Variants in CACNB2 observed in about 807,000 individuals in gnomAD.
CACNB2 encodes the protein calcium voltage-gated channel auxiliary subunit beta 2.
In CACNB2, 42 loss-of-function variants were observed where a neutral mutation model predicts 73.3. That is an observed-to-expected ratio of 0.57 (90% CI 0.45 to 0.74). The LOEUF is 0.74. Ranked by LOEUF, CACNB2 falls within the 30% of genes least tolerant of loss-of-function variation. CACNB2 has a pLI of 0.00. For synonymous variants in CACNB2, 348 were observed against 310.3 expected (o/e 1.12, Z -1.28); for missense variants, 940 against 853.0 (o/e 1.10, Z -1.27).
intron 2 of CACNB2, among the ~76,000 whole-genome samples, chr10:18,389,817 T>G (rs1275733528): frequency 6.6e-6 from 1 of 152,182 alleles, no homozygotes; most frequent in African/African-American, 2.4e-5. Context: ...CAAAGAGCAT[T>G]GGTTTAATGA....
intron 2 of CACNB2, among the ~76,000 whole-genome samples, chr10:18,330,999 T>A (rs2132014206): frequency 6.8e-6 from 1 of 146,666 alleles, no homozygotes; most frequent in Middle Eastern, 3.8e-3. Flanking sequence ...CGGCCTTTTT[T>A]TTTTGGAAAC....
At chr10:18,283,790 C>T (rs1004448098) in intron 2 of CACNB2, among the ~76,000 whole-genome samples, 39 of 152,018 alleles carry the variant, frequency 2.6e-4, no homozygotes, top group African/African-American at 9.2e-4. Flanking sequence ...GCACATTGTG[C>T]ACATGTACCC....
At chr10:18,463,564 G>A (rs978875583) in intron 3 of CACNB2, among the ~76,000 whole-genome samples, 2 of 151,110 alleles carry the variant, frequency 1.3e-5, no homozygotes, top group Admixed American at 6.7e-5. Context: ...GCAGGTGCAC[G>A]CCACAATGCC....
intron 1 of CACNB2, among the ~76,000 whole-genome samples, chr10:18,149,440 T>C (rs1259765962): frequency 6.6e-6 from 1 of 152,196 alleles, no homozygotes; most frequent in East Asian, 1.9e-4. Context: ...GTTAATTAAA[T>C]GTCATGGAAA....
At chr10:18,461,076 T>C (rs2047549002) in intron 3 of CACNB2, among the ~76,000 whole-genome samples, 1 of 152,042 alleles carries the variant, frequency 6.6e-6, no homozygotes, top group South Asian at 2.1e-4. Context: ...ATTACAGTCA[T>C]GCGCCACCAC....
intron 2 of CACNB2, among the ~76,000 whole-genome samples, chr10:18,242,809 C>T (rs2036707181): frequency 6.9e-6 from 1 of 145,270 alleles, no homozygotes; most frequent in African/African-American, 2.6e-5. Flanking sequence ...ACAGTGAAAC[C>T]CCGTCTCTAC....
chr10:18,475,739 G>T (rs1287621776), intron 3 of CACNB2, among the ~76,000 whole-genome samples: 1 of 152,156 alleles, frequency 6.6e-6, no homozygotes, highest in Non-Finnish European at 1.5e-5. Context: ...TTTTGAGTGT[G>T]TCCCCTGTGC....
chr10:18,162,103 A>G (rs939057273), intron 2 of CACNB2, among the ~76,000 whole-genome samples: 1 of 152,156 alleles, frequency 6.6e-6, no homozygotes, highest in African/African-American at 2.4e-5. Flanking sequence ...AAACAAGGCT[A>G]TATTTTACAA....
At chr10:18,227,472 G>A (rs906866776) in intron 2 of CACNB2, among the ~76,000 whole-genome samples, 2 of 152,188 alleles carry the variant, frequency 1.3e-5, no homozygotes, top group South Asian at 2.1e-4. Context: ...CGCAGAGATG[G>A]GGGTACTAAC....
At chr10:18,508,503 T>C (rs754144968) in intron 6 of CACNB2, among the ~76,000 whole-genome samples, 9 of 152,150 alleles carry the variant, frequency 5.9e-5, no homozygotes, top group Middle Eastern at 3.2e-3. Flanking sequence ...GCTACTAGGC[T>C]CTTAAAGTGG....
chr10:18,370,836 C>T (rs1317922241), intron 2 of CACNB2, among the ~76,000 whole-genome samples: 1 of 152,150 alleles, frequency 6.6e-6, no homozygotes, highest in Non-Finnish European at 1.5e-5. Flanking sequence ...CACGCAGGCA[C>T]ATATTTGTAT....
intron 3 of CACNB2, among the ~76,000 whole-genome samples, chr10:18,441,552 G>C (rs1005741859): frequency 6.6e-6 from 1 of 151,672 alleles, no homozygotes; most frequent in Non-Finnish European, 1.5e-5. Flanking sequence ...TTTTTTGCTG[G>C]CTTTACTGAG....
chr10:18,538,024 C>A (rs993308114), intron 12 of CACNB2, among the ~76,000 whole-genome samples, 156 bp from the exon 13 acceptor site: 3 of 152,068 alleles, frequency 2.0e-5, no homozygotes, highest in African/African-American at 7.2e-5. Context: ...CAGACACTTC[C>A]TAACTAAATA....
intron 3 of CACNB2, among the ~76,000 whole-genome samples, chr10:18,449,144 G>T (rs184708522): frequency 1.6e-4 from 25 of 152,304 alleles, no homozygotes; most frequent in Non-Finnish European, 2.9e-4. Context: ...CAGCACTTTG[G>T]GGGGCTGAGG....
chr10:18,488,335 C>T (rs953279233), intron 3 of CACNB2, among the ~76,000 whole-genome samples: 6 of 151,146 alleles, frequency 4.0e-5, no homozygotes, highest in Non-Finnish European at 4.4e-5. Flanking sequence ...ATTAGCCAGG[C>T]GTGGTGGCAG....
At chr10:18,436,146 A>G (rs2046127327) in intron 3 of CACNB2, among the ~76,000 whole-genome samples, 1 of 152,240 alleles carries the variant, frequency 6.6e-6, no homozygotes, top group African/African-American at 2.4e-5. Context: ...TTGAAAATCT[A>G]AAGCTATGTG....
chr10:18,156,874 G>A lies in CACNB2; in HGVS notation c.213+5899G>A, dbSNP rs1929422. ...AGAAACCCTGTCTCTACTAAAAGTAGAAAAAAAAAAAAAAATTGGCTGGGT... is the reference window on the plus strand; with the variant it reads ...AGAAACCCTGTCTCTACTAAAAGTAAAAAAAAAAAAAAAAATTGGCTGGGT... On this transcript the variant is annotated intron_variant, in intron 2 of 13. Coordinates refer to ENST00000324631, the MANE Select transcript of CACNB2 (RefSeq NM_201596.3). 6.9e-3 allele frequency among the ~76,000 whole-genome samples: 982 copies of A among 142,422 alleles called. 15 individuals are homozygous for A. Among genetic ancestry groups the A allele is most frequent in the African/African-American group, 0.021 (812 of 38,828 alleles). The allele number at this position is 142,422 out of a possible 152,430, so 93.4% of individuals were successfully genotyped here. A position where few individuals can be genotyped will look rare whatever the true frequency, so the allele number is the denominator to read the frequency against.
At chr10:18,407,051 C>A (rs964461616) in intron 3 of CACNB2, among the ~76,000 whole-genome samples, 7 of 140,410 alleles carry the variant, frequency 5.0e-5, no homozygotes, top group African/African-American at 1.6e-4. Flanking sequence ...AAATGTTTTT[C>A]TGCAGATTTG....
intron 5 of CACNB2, among the ~76,000 whole-genome samples, chr10:18,504,359 T>G (rs1043488405): frequency 6.6e-6 from 1 of 152,208 alleles, no homozygotes; most frequent in Non-Finnish European, 1.5e-5. Context: ...AGGTCTTGCC[T>G]GGCACAGCAA....
Sources: gnomAD v4.1 joint callset for allele counts (sites outside exome capture counted in the v4.1 genomes callset) on GRCh38, gnomAD v4.1.1 for gene constraint, MANE v1.5 for transcripts, NCBI Gene and HGNC (gene_info 2026-07-23, HGNC 2026-07-21) for gene names.